The following SH3D21 variants were observed in gnomAD, a reference collection of about 807,000 sequenced individuals.
The protein encoded by SH3D21 is SH3 domain-containing protein 21.
SH3D21 carries 83 observed loss-of-function variants against 82.1 expected under a neutral mutation model. The observed-to-expected ratio is 1.01, with a 90% CI of 0.85 to 1.21. SH3D21 has a LOEUF of 1.21. Ranked by LOEUF, SH3D21 falls within the 50% of genes most tolerant of loss-of-function variation. The probability of loss-of-function intolerance (pLI) is 0.00; values close to 1 mark genes in which losing one functional copy is unlikely to be tolerated. For missense variants in SH3D21, 980 were observed against 962.1 expected, an observed-to-expected ratio of 1.02 and a Z score of -0.25; for synonymous variants, 383 against 387.8, an observed-to-expected ratio of 0.99 and a Z score of 0.15.
intron 10 of SH3D21, among the ~76,000 whole-genome samples, chr1:36,318,068 C>G (rs936497888): frequency 6.6e-6 from 1 of 152,174 alleles, no homozygotes; most frequent in Non-Finnish European, 1.5e-5. Flanking sequence ...GTGACTTGAT[C>G]TAGAGCACTT....
Position 36,307,841 on chromosome 1 carries a change from G to A in SH3D21, c.492+16G>A, listed in dbSNP as rs1363704220. On this transcript the variant is annotated intron_variant, in intron 6 of 15. Transcript: ENST00000453908. The surrounding 1 kb of genome is among the most constrained non-coding windows in gnomAD (Gnocchi z 5.4). ...GCCTCCCAAGGTAAGTTGGCTCAGA[G>A]TAGGCACAGAGGTGGTGAGTTCCTC... 6.4e-7 allele frequency: 1 copy of A among 1,551,794 alleles called. No homozygotes were observed. The highest frequency in any genetic ancestry group is 2.4e-5 in the East Asian group (1 of 40,914).
At chr1:36,329,688 T>G (rs1570422325), downstream of SH3D21, among the ~76,000 whole-genome samples, 1 of 151,708 alleles carries the variant, frequency 6.6e-6, no homozygotes, top group Non-Finnish European at 1.5e-5. Context: ...ATATGTCAGG[T>G]TGTGATGAAC....
At chr1:36,309,634 G>A (rs746384039) in intron 10 of SH3D21, 44 bp downstream of exon 10, 4 of 1,548,318 alleles carry the variant, frequency 2.6e-6, no homozygotes, top group Middle Eastern at 1.7e-4. Context: ...TTCTCTGGGA[G>A]ACCCACCAGT....
downstream of SH3D21, chr1:36,323,147 G>A (rs1646496972): frequency 7.9e-7 from 1 of 1,271,060 alleles, no homozygotes; most frequent in Non-Finnish European, 1.1e-6. Context: ...CCTCTCCCGG[G>A]AGCCGCGGGC....
Position 36,321,320 on chromosome 1 carries a change from G to A in SH3D21, c.*193G>A. 2.8e-6 allele frequency: 4 copies of A among 1,431,960 alleles called. No homozygotes were observed. Among genetic ancestry groups the A allele is most frequent in the Non-Finnish European group, 3.6e-6 (4 of 1,097,710 alleles). The allele number at this position is 1,431,960 out of a possible 1,614,324, so 88.7% of individuals were successfully genotyped here. ...CTGACGGTCCCTCCCAGGCACATCT[G>A]GCCAACATGTGGCTCCCATTACCGT... On this transcript the variant is annotated 3_prime_UTR_variant, in exon 16 of 16. Transcript: ENST00000453908. This position sits in a 1 kb window ranked among gnomAD's most constrained non-coding sequence, Gnocchi z 6.1.
chr1:36,328,365 A>G, downstream of SH3D21: 2 of 354,054 alleles, frequency 5.6e-6, no homozygotes, highest in South Asian at 4.2e-5. Flanking sequence ...TAGGTCTTGG[A>G]TGGAGGGAAG....
Position 36,307,794 on chromosome 1 carries a change from C to T in SH3D21, c.461C>T (p.Ser154Leu). 1 of 1,551,836 alleles carries T rather than the reference C, an allele frequency of 6.4e-7. No homozygotes were observed. Among genetic ancestry groups the T allele is most frequent in the Non-Finnish European group, 8.7e-7 (1 of 1,147,012 alleles). Residue 154 changes from serine to leucine, a missense_variant, in exon 6 of 16, where the codon TCA (serine) becomes TTA (leucine). Ser to Leu is a moderately radical substitution (Grantham distance 145). Coordinates refer to ENST00000453908, the MANE Select transcript of SH3D21 (RefSeq NM_001162530.2). This position sits in a 1 kb window ranked among gnomAD's most constrained non-coding sequence, Gnocchi z 5.4. ...GGCCTTGGTAACCCAGACATGCCTT[C>T]AGTCAGCCCTGGTCCCCAGCGGCCT... ...PPSLGNPDMP[S>L]VSPGPQRPPK...
At chr1:36,322,871 C>A, downstream of SH3D21, 1 of 1,514,958 alleles carries the variant, frequency 6.6e-7, no homozygotes, top group Non-Finnish European at 9.0e-7. Context: ...GGCAAGAGGG[C>A]GGGGAGCGGG....
rs758740916 is a variant in SH3D21, at chr1:36,320,047, C to A, written c.1384C>A (p.Pro462Thr). Residue 462 changes from proline to threonine, a missense_variant, in exon 14 of 16, where the codon CCA becomes ACA. Pro to Thr is a conservative substitution (Grantham distance 38, BLOSUM62 -1). Transcript: ENST00000453908. ...GGAAGAGTCCCCTGCCCTAGAAGCCCCACCTATGGATAAAGTCCCTAATCC... is the reference window on the plus strand; with the variant it reads ...GGAAGAGTCCCCTGCCCTAGAAGCCACACCTATGGATAAAGTCCCTAATCC... ...SVEESPALEAPPMDKVPNPKM... is the reference protein window; with the variant it reads ...SVEESPALEATPMDKVPNPKM... 2.5e-6 allele frequency: 4 copies of A among 1,614,134 alleles called. No individual in the cohort carries two copies. In the South Asian group the frequency reaches 3.3e-5, roughly 13 times the overall value.
chr1:36,323,168 C>G (rs918891725), downstream of SH3D21: 10 of 993,462 alleles, frequency 1.0e-5, no homozygotes, highest in Non-Finnish European at 1.4e-5. Context: ...CCAGGTTCCA[C>G]CCTGGAGAGA....
At chr1:36,308,864 T>G (rs1646183422) in intron 9 of SH3D21, among the ~76,000 whole-genome samples, 1 of 151,394 alleles carries the variant, frequency 6.6e-6, no homozygotes. Flanking sequence ...GCATGTGTAA[T>G]CCCAGCTACT....
At chr1:36,309,739 C>CGT (rs1646200771) in intron 10 of SH3D21, 149 bp downstream of exon 10, 6 of 771,196 alleles carry the variant, frequency 7.8e-6, no homozygotes, top group Non-Finnish European at 1.2e-5. Context: ...TAGGAATGTA[C>CGT]GTGAATCAAT....
intron 10 of SH3D21, among the ~76,000 whole-genome samples, chr1:36,310,019 A>G (rs1400501022): frequency 6.6e-6 from 1 of 151,910 alleles, no homozygotes; most frequent in Non-Finnish European, 1.5e-5. Context: ...CAGTGGCTCA[A>G]TCTCGGCTCA....
Position 36,320,811 on chromosome 1 carries a change from T to C in SH3D21, c.2135+13T>C, listed in dbSNP as rs1414558267. On this transcript the variant is annotated intron_variant, in intron 14 of 15. Coordinates refer to ENST00000453908, the MANE Select transcript of SH3D21 (RefSeq NM_001162530.2). ...AGGTGCAGCTGGAGTGAGTGGGCAG[T>C]GGCGGGGGTTGTGGAAGGTAGGGTT... 6.4e-7 allele frequency: 1 copy of C among 1,553,746 alleles called. No homozygotes were observed. Among genetic ancestry groups the C allele is most frequent in the Non-Finnish European group, 8.7e-7 (1 of 1,148,034 alleles).
intron 10 of SH3D21, among the ~76,000 whole-genome samples, chr1:36,317,031 A>G (rs548238568): frequency 6.6e-6 from 1 of 152,256 alleles, no homozygotes; most frequent in East Asian, 1.9e-4. Flanking sequence ...GTGCCTCAAA[A>G]TTGTGTCCTC....
downstream of SH3D21, chr1:36,321,725 G>C (rs1383974638): frequency 1.8e-5 from 18 of 1,011,180 alleles, no homozygotes; most frequent in Non-Finnish European, 3.5e-6. This position sits in a 1 kb window ranked among gnomAD's most constrained non-coding sequence, Gnocchi z 6.1. Context: ...TCATTGCAGT[G>C]TATGAACCCA....
chr1:36,309,433 G>T, intron 9 of SH3D21, 115 bp from the exon 10 acceptor site: 3 of 1,212,804 alleles, frequency 2.5e-6, no homozygotes, highest in Non-Finnish European at 3.5e-6. Context: ...CTGTCCTCAA[G>T]TGATCCACTC....
In SH3D21 at chr1:36,319,133, G is replaced by C. The variant is rs1172564591; in HGVS notation, c.832G>C (p.Ala278Pro). ...KTSLPTVKKL[A>P]TATTGPSKAK... ...ATCCCTCCCCACAGTCAAGAAGCTA[G>C]CAACAGCCACCACTGGGCCCAGCAA... Residue 278 changes from alanine (A) to proline (P), a missense_variant, in exon 11 of 16, where the codon GCA becomes CCA. Transcript: ENST00000453908. 1 of 1,551,664 alleles carries C rather than the reference G, an allele frequency of 6.4e-7. No homozygotes were observed. The highest frequency in any genetic ancestry group is 1.2e-5 in the South Asian group (1 of 84,040).
At chr1:36,322,708 C>G (rs1342125930), downstream of SH3D21, 4 of 1,546,836 alleles carry the variant, frequency 2.6e-6, no homozygotes, top group South Asian at 1.2e-5. Context: ...AAGTAGAGGC[C>G]GAAGCTCTCG....
Sources: gnomAD v4.1 joint callset for allele counts (sites outside exome capture counted in the v4.1 genomes callset) on GRCh38, gnomAD v4.1.1 for gene constraint, Gnocchi (gnomAD v3.1) non-coding constraint, MANE v1.5 for transcripts, NCBI Gene and HGNC (gene_info 2026-07-23, HGNC 2026-07-21) for gene names.